The following ADGRL2 variants were observed in gnomAD, a reference collection of about 807,000 sequenced individuals.
ADGRL2 encodes the protein calcium-independent alpha-latrotoxin receptor 2.
In ADGRL2, 44 loss-of-function variants were observed where a neutral mutation model predicts 157.4. The ratio of observed to expected loss-of-function variants is 0.28; its 90% CI spans 0.22 to 0.36. ADGRL2 has a LOEUF of 0.36. Among genes scored for constraint, ADGRL2 ranks in the 10% least tolerant of loss-of-function variants. The pLI is 1.00. For synonymous variants in ADGRL2, 585 were observed against 624.7 expected (o/e 0.94, Z 0.95); for missense variants, 1,510 against 1,768.9 (o/e 0.85, Z 2.63).
At chr1:81,853,318 G>C (rs946988273) in intron 2 of ADGRL2, among the ~76,000 whole-genome samples, 1 of 152,144 alleles carries the variant, frequency 6.6e-6, no homozygotes, top group African/African-American at 2.4e-5. Flanking sequence ...CAGCTTGCCT[G>C]GGTGTTTTTA....
intron 2 of ADGRL2, among the ~76,000 whole-genome samples, chr1:81,517,678 A>G (rs372546323): frequency 1.3e-5 from 2 of 152,142 alleles, no homozygotes; most frequent in East Asian, 3.9e-4. Context: ...TGAATATCTC[A>G]TTGGTGACTG....
chr1:81,798,009 G>A (rs2149443005), upstream of ADGRL2, among the ~76,000 whole-genome samples: 1 of 152,220 alleles, frequency 6.6e-6, no homozygotes, highest in East Asian at 1.9e-4. Flanking sequence ...CAACTATTAT[G>A]AATAAGTCAA....
At chr1:81,528,636 G>T (rs2079525028) in intron 2 of ADGRL2, among the ~76,000 whole-genome samples, 1 of 99,300 alleles carries the variant, frequency 1.0e-5, no homozygotes, top group Non-Finnish European at 1.9e-5. Flanking sequence ...AAAAAAGTGA[G>T]ACTCCATCTC....
intron 1 of ADGRL2, among the ~76,000 whole-genome samples, chr1:81,370,379 T>C (rs1451529372): frequency 6.6e-6 from 1 of 152,124 alleles, no homozygotes; most frequent in Non-Finnish European, 1.5e-5. Flanking sequence ...AATAGTACAC[T>C]GTTTGTTGCT....
chr1:81,307,321 C>A (rs945153797), intron 1 of ADGRL2, among the ~76,000 whole-genome samples: 1 of 152,144 alleles, frequency 6.6e-6, no homozygotes, highest in Non-Finnish European at 1.5e-5. Flanking sequence ...TTTATGTAAG[C>A]AATTCCTGGG....
intron 2 of ADGRL2, among the ~76,000 whole-genome samples, chr1:81,567,363 C>T (rs1423682969): frequency 1.3e-5 from 2 of 152,234 alleles, no homozygotes; most frequent in African/African-American, 4.8e-5. Flanking sequence ...AGGTATAAAA[C>T]ATTTCCGTCA....
chr1:81,702,558 A>G (rs1222941016), intron 1 of ADGRL2, among the ~76,000 whole-genome samples: 1 of 152,188 alleles, frequency 6.6e-6, no homozygotes, highest in Non-Finnish European at 1.5e-5. Context: ...TCAGAGAACA[A>G]CTATGAATTG....
chr1:81,488,466 G>T (rs12096849), intron 2 of ADGRL2, among the ~76,000 whole-genome samples: 22,146 of 151,582 alleles, frequency 0.15, 2,999 homozygotes, highest in African/African-American at 0.36. Context: ...TTGAGAGACC[G>T]AGGCATGCAA....
intron 10 of ADGRL2, among the ~76,000 whole-genome samples, chr1:81,954,676 A>C (rs1032568899): frequency 1.3e-5 from 2 of 152,100 alleles, no homozygotes; most frequent in African/African-American, 2.4e-5. Flanking sequence ...CTCCCATTAG[A>C]GGGAGAAAAA....
At chr1:81,401,253 T>G (rs2076749686) in intron 1 of ADGRL2, among the ~76,000 whole-genome samples, 1 of 152,182 alleles carries the variant, frequency 6.6e-6, no homozygotes, top group Non-Finnish European at 1.5e-5. Context: ...GAGACTGTTC[T>G]GGGATGCCTG....
intron 1 of ADGRL2, among the ~76,000 whole-genome samples, chr1:81,432,742 T>C (rs990161675): frequency 1.3e-5 from 2 of 152,274 alleles, no homozygotes; most frequent in South Asian, 2.1e-4. Context: ...TCATATTTCC[T>C]GCTTGGAAAA....
Position 81,431,015 on chromosome 1 carries a change from T to G in ADGRL2, c.-301-14021T>G, listed in dbSNP as rs2077310161. Among the ~76,000 whole-genome samples, 3 of 152,294 alleles carry G rather than the reference T, an allele frequency of 2.0e-5. No individual in the cohort carries two copies. In the South Asian group the frequency reaches 6.2e-4, roughly 32 times the overall value. ...TAACATAAAAAAGGAGTAGTAAAAT[T>G]TATCCCTGATTCTTTAATAAAACAG... On this transcript the variant is annotated intron_variant, in intron 1 of 24. Transcript: ENST00000370721.
At chr1:81,951,815 G>A (rs1005693819) in intron 8 of ADGRL2, 142 bp from the exon 9 acceptor site, 8 of 497,820 alleles carry the variant, frequency 1.6e-5, no homozygotes, top group Non-Finnish European at 2.4e-5. Context: ...CTTCTAAGAC[G>A]AAGGGAAAGT....
chr1:81,383,896 G>A (rs2076388758), intron 1 of ADGRL2, among the ~76,000 whole-genome samples: 1 of 146,386 alleles, frequency 6.8e-6, no homozygotes, highest in Non-Finnish European at 1.5e-5. Context: ...GGAGGTTGCA[G>A]TGAGCCGAGA....
chr1:81,862,423 T>A (rs2093417853), intron 2 of ADGRL2, among the ~76,000 whole-genome samples: 1 of 152,202 alleles, frequency 6.6e-6, no homozygotes, highest in African/African-American at 2.4e-5. Flanking sequence ...CTCTGACAGT[T>A]ACTAGGTAAG....
At chr1:81,955,675 A>C (rs1653282479) in intron 10 of ADGRL2, 1 of 408,810 alleles carries the variant, frequency 2.4e-6, no homozygotes, top group African/African-American at 2.1e-5. Context: ...GCAGTCTGTT[A>C]ATCTTCAGTC....
intron 3 of ADGRL2, among the ~76,000 whole-genome samples, chr1:81,638,631 T>C (rs1162403820): frequency 6.6e-6 from 1 of 152,176 alleles, no homozygotes; most frequent in East Asian, 1.9e-4. Context: ...TGTAAATATG[T>C]ATACTGCAAA....
At chr1:81,690,924 G>T (rs2083320185) in intron 3 of ADGRL2, among the ~76,000 whole-genome samples, 1 of 152,204 alleles carries the variant, frequency 6.6e-6, no homozygotes, top group Admixed American at 6.5e-5. Context: ...AGCTACAGCT[G>T]CAGAAATAAA....
rs567218041 is a variant in ADGRL2 at position 81,669,769 on chromosome 1, T to C, written c.-143+88789T>C. ...CATCCTGGCTAACACGGTGAAACCC[T>C]GTCTCTACTAAAAATACAAAAAAAT... On this transcript the variant is annotated intron_variant, in intron 3 of 24. Coordinates refer to the ADGRL2 transcript ENST00000370721. Among the ~76,000 whole-genome samples the C allele has an allele frequency of 1.7e-3, 265 of 151,918 alleles. 2 individuals are homozygous for C. Among genetic ancestry groups the C allele is most frequent in the African/African-American group, 3.1e-3 (129 of 41,454 alleles).
Sources: gnomAD v4.1 joint callset for allele counts (sites outside exome capture counted in the v4.1 genomes callset) on GRCh38, gnomAD v4.1.1 for gene constraint, MANE v1.5 for transcripts, NCBI Gene and HGNC (gene_info 2026-07-23, HGNC 2026-07-21) for gene names.